SERPINA11: variants seen among roughly 807,000 people sequenced by gnomAD.
SERPINA11 encodes the protein serpin family A member 11.
A neutral mutation model predicts 29.4 loss-of-function variants in SERPINA11; 28 were observed. The observed-to-expected ratio is 0.95, with a 90% CI of 0.70 to 1.30. The LOEUF (loss-of-function observed/expected upper bound fraction) is 1.30, where lower values mean the gene tolerates loss of function less well. SERPINA11 is among the 50% of genes most tolerant of loss of function. The probability of loss-of-function intolerance (pLI) is 0.00; values close to 1 mark genes in which losing one functional copy is unlikely to be tolerated. For missense variants in SERPINA11, 530 were observed against 507.3 expected (o/e 1.04, Z -0.43); for synonymous variants, 253 against 206.6 (o/e 1.22, Z -1.92).
At chr14:94,446,088 A>G (rs1050137057) in intron 3 of SERPINA11, among the ~76,000 whole-genome samples, 1 of 152,154 alleles carries the variant, frequency 6.6e-6, no homozygotes, top group East Asian at 1.9e-4. Context: ...TCTAAGTTCT[A>G]CATTCTCTAT....
At chr14:94,449,395 TC>T (rs11291004) in intron 1 of SERPINA11, among the ~76,000 whole-genome samples, 32,307 of 79,852 alleles carry the variant, frequency 0.4, 5,924 homozygotes, top group Admixed American at 0.44. Context: ...CCTCCCTCTT[TC>T]TTTCTTTCTA....
Position 94,442,624 on chromosome 14 carries a change from G to A in SERPINA11, c.1251C>T (p.Val417=), listed in dbSNP as rs578161202. 3 of 1,609,878 alleles carry A rather than the reference G, an allele frequency of 1.9e-6. No individual in the cohort carries two copies. In the African/African-American group the frequency reaches 4.0e-5, roughly 21 times the overall value. ...ACCATGGTTACCCTGCAACTGGGTT[G>A]ACAACTTTTCCCAGGAAGAGTAAGC... ...TQSLLFLGKV[V]NPVAG is the part of the protein sequence containing the mutation. The change falls in exon 5 of 5, where the codon GTC becomes GTT. Residue 417 remains valine (V), a synonymous_variant. Transcript: ENST00000334708.
Position 94,448,747 on chromosome 14 carries a change from C to A in SERPINA11, c.28G>T (p.Gly10Ter). The A allele has an allele frequency of 2.0e-6, 3 of 1,512,248 alleles. No homozygotes were observed. The highest frequency in any genetic ancestry group is 2.7e-6 in the Non-Finnish European group (3 of 1,131,530). 93.7% of individuals were successfully genotyped at this position (1,512,248 alleles called of 1,614,324 possible). The change falls in exon 2 of 5, where the codon GGA becomes TGA. Residue 10 changes from glycine (G) to a stop codon, truncating the protein, a stop_gained. Transcript: ENST00000334708. LOFTEE classifies it high-confidence loss of function. MGPAWLWLL[G>*]TGILASVHCQ... Reference sequence around the variant, plus strand: ...TGGACAGAGGCCAGGATCCCTGTTCCCAGTAGCCAAAGCCAAGCTGGACCC... The same window carrying A: ...TGGACAGAGGCCAGGATCCCTGTTCACAGTAGCCAAAGCCAAGCTGGACCC...
intron 2 of SERPINA11, among the ~76,000 whole-genome samples, chr14:94,447,588 G>A (rs1176745888): frequency 2.6e-5 from 4 of 152,282 alleles, no homozygotes; most frequent in African/African-American, 7.2e-5. Flanking sequence ...GCAATTCTAA[G>A]GTTCCCTGAA....
At chr14:94,448,881 T>A in intron 1 of SERPINA11, 104 bp from the exon 2 acceptor site, 5 of 1,072,176 alleles carry the variant, frequency 4.7e-6, no homozygotes, top group Non-Finnish European at 6.4e-6. Flanking sequence ...CCCACAGGGC[T>A]GCCATGAGGG....
In SERPINA11 at chr14:94,446,329, A is replaced by T. The variant is rs1169788153; in HGVS notation, c.917+2T>A. The T allele has an allele frequency of 6.2e-7, 1 of 1,611,762 alleles. No individual in the cohort carries two copies. Among genetic ancestry groups the T allele is most frequent in the Non-Finnish European group, 8.5e-7 (1 of 1,179,478 alleles). On this transcript the variant is annotated splice_donor_variant, in intron 3 of 4. Coordinates refer to ENST00000334708, the MANE Select transcript of SERPINA11 (RefSeq NM_001080451.2). LOFTEE classifies it high-confidence loss of function. Reference sequence around the variant, plus strand: ...CCAGCATCCTTCTGCTGTGACACTTACCTGGGCAGGAGCAATTGGCCCCAT... The same window carrying T: ...CCAGCATCCTTCTGCTGTGACACTTTCCTGGGCAGGAGCAATTGGCCCCAT...
chr14:94,451,594 T>A (rs1898587546), intron 1 of SERPINA11, among the ~76,000 whole-genome samples: 1 of 152,208 alleles, frequency 6.6e-6, no homozygotes, highest in Non-Finnish European at 1.5e-5. Context: ...CTCCCTGACT[T>A]GCAAATGACC....
chr14:94,448,058 A>G lies in SERPINA11; in HGVS notation c.643+74T>C, dbSNP rs1489104700. On this transcript the variant is annotated intron_variant, in intron 2 of 4. Transcript: ENST00000334708. The stretch of plus-strand genomic sequence containing the variant: ...TCCCCAAGTGGTTAGCAAAGAACCT[A>G]TTAGCTGGCTCTCTGCTGTAAGAGC... 1.3e-5 allele frequency: 18 copies of G among 1,419,026 alleles called. No individual in the cohort carries two copies. In the East Asian group the frequency reaches 4.1e-4, roughly 32 times the overall value. The allele number at this position is 1,419,026 out of a possible 1,614,324, so 87.9% of individuals were successfully genotyped here.
intron 3 of SERPINA11, among the ~76,000 whole-genome samples, chr14:94,444,566 G>A (rs1359422292): frequency 1.3e-5 from 2 of 152,070 alleles, no homozygotes. Flanking sequence ...CACCCCAAAG[G>A]AGCCAGGGAC....
At position 94,448,674 on chromosome 14, in the gene SERPINA11, T is replaced by G. The variant is rs1193039146; in HGVS notation, c.101A>C (p.Gln34Pro). 6.4e-7 allele frequency: 1 copy of G among 1,568,580 alleles called. No homozygotes were observed. The highest frequency in any genetic ancestry group is 8.6e-7 in the Non-Finnish European group (1 of 1,157,666). ...CTCTGAGAGCTGATGCCTGGGGGGT[T>G]GAGGCCCCTGCAGACTTTTATCTCC... ...AHGDKSLQGP[Q>P]PPRHQLSEPA... Residue 34 changes from glutamine to proline, a missense_variant, in exon 2 of 5, where the codon CAA becomes CCA. Coordinates refer to ENST00000334708, the MANE Select transcript of SERPINA11 (RefSeq NM_001080451.2).
rs1202934540 is a variant in SERPINA11 at position 94,442,674 on chromosome 14, G to A, written c.1201C>T (p.Leu401Phe). The A allele has an allele frequency of 1.9e-6, 3 of 1,612,918 alleles. No homozygotes were observed. Among genetic ancestry groups the A allele is most frequent in the Admixed American group, 1.7e-5 (1 of 59,900 alleles). ...CTCTGGGTGGTGACCTCCCAAAGGA[G>A]CAAGAGGAAAGGCCTGTTGAAGTGG... ...HAHFNRPFLLLLWEVTTQSLL... is the reference protein window; with the variant it reads ...HAHFNRPFLLFLWEVTTQSLL... Residue 401 changes from leucine (L) to phenylalanine (F), a missense_variant, in exon 5 of 5, where the codon CTC becomes TTC. By Grantham distance (22) the Leu-to-Phe change is conservative. Coordinates refer to ENST00000334708, the MANE Select transcript of SERPINA11 (RefSeq NM_001080451.2).
rs141809191 is a variant in SERPINA11, at chr14:94,448,327, G to C, written c.448C>G (p.Arg150Gly). 3.1e-6 allele frequency: 5 copies of C among 1,614,214 alleles called. No homozygotes were observed. The highest frequency in any genetic ancestry group is 3.4e-6 in the Non-Finnish European group (4 of 1,180,050). Residue 150 changes from arginine (R) to glycine (G), a missense_variant, in exon 2 of 5, where the codon CGG becomes GGG. Transcript: ENST00000334708. ...TTGATGCTGTCCAAATAGTGCTGCC[G>C]AGGCTTTAGTCGCTTGTCTAGGAAC... ...SLFLDKRLKP[R>G]QHYLDSIKEL...
chr14:94,444,506 C>T lies in SERPINA11; in HGVS notation c.918-1281G>A, dbSNP rs75072128. On this transcript the variant is annotated intron_variant, in intron 3 of 4. Transcript: ENST00000334708. ...CCTCCCTGAGGGAAAATCTACTGGT[C>T]TAGAAGAGTCTATGGCACTCCCTTC... Among the ~76,000 whole-genome samples the T allele has an allele frequency of 3.9e-5, 6 of 152,148 alleles. No individual in the cohort carries two copies. In the East Asian group the frequency reaches 1.2e-3, roughly 29 times the overall value.
At chr14:94,448,836 T>C in intron 1 of SERPINA11, 59 bp from the exon 2 acceptor site, 1 of 1,446,294 alleles carries the variant, frequency 6.9e-7, no homozygotes, top group Non-Finnish European at 9.2e-7. Flanking sequence ...TGATTCTCTA[T>C]TGCTCATACC....
At chr14:94,449,414 T>C (rs915009643) in intron 1 of SERPINA11, among the ~76,000 whole-genome samples, 9 of 38,176 alleles carry the variant, frequency 2.4e-4, no homozygotes, top group African/African-American at 1.3e-3. Context: ...CTATTCTTTC[T>C]TTCTTTCTTT....
At chr14:94,449,220 A>G (rs1291447968) in intron 1 of SERPINA11, among the ~76,000 whole-genome samples, 5 of 152,056 alleles carry the variant, frequency 3.3e-5, no homozygotes, top group Non-Finnish European at 4.4e-5. Flanking sequence ...GTGTGGTGGC[A>G]TGTTCCTGTA....
In SERPINA11 at chr14:94,443,035, C is replaced by T. The variant is rs376895265; in HGVS notation, c.1065+43G>A. ...CACATGCCAAAGGAGAAACCTCCTACCTACCCCCACCTGCCCACAAACATC... is the reference window on the plus strand; with the variant it reads ...CACATGCCAAAGGAGAAACCTCCTATCTACCCCCACCTGCCCACAAACATC... On this transcript the variant is annotated intron_variant, in intron 4 of 4. Coordinates refer to ENST00000334708, the MANE Select transcript of SERPINA11 (RefSeq NM_001080451.2). The T allele has an allele frequency of 7.0e-6, 11 of 1,577,012 alleles. No homozygotes were observed. In the African/African-American group the frequency reaches 1.5e-4, roughly 21 times the overall value.
At position 94,442,742 on chromosome 14, in the gene SERPINA11, A is replaced by G. The variant is rs780312674; in HGVS notation, c.1133T>C (p.Leu378Pro). The G allele has an allele frequency of 3.1e-6, 5 of 1,613,600 alleles. No homozygotes were observed. The South Asian group carries it at 5.5e-5, about 18-fold the overall frequency. The change falls in exon 5 of 5, where the codon CTC becomes CCC. Residue 378 changes from leucine (L) to proline (P), a missense_variant. Physicochemically the swap from Leu to Pro is moderately conservative, Grantham distance 98. Transcript: ENST00000334708. ...GTEAGAASGL[L>P]SQPPSLNTMS... ...GGTGTTCAGAGATGGGGGCTGGGAG[A>G]GGAGGCCTGAAGCAGCCCCGGCCTC...
intron 2 of SERPINA11, 49 bp downstream of exon 2, chr14:94,448,083 C>T (rs1898480432): frequency 6.4e-7 from 1 of 1,554,904 alleles, no homozygotes; most frequent in Non-Finnish European, 8.8e-7. Flanking sequence ...GCTGTAAGAG[C>T]ATTTACTTGC....
Sources: allele counts gnomAD v4.1 joint callset (sites outside exome capture counted in the v4.1 genomes callset), GRCh38; gene constraint gnomAD v4.1.1; transcripts MANE v1.5; gene names NCBI Gene and HGNC (gene_info 2026-07-23, HGNC 2026-07-21).